C2orf69: variants seen among roughly 807,000 people sequenced by gnomAD.
C2orf69 encodes mitochondrial protein C2orf69.
In C2orf69, 19 loss-of-function variants were observed where a neutral mutation model predicts 29.5. The ratio of observed to expected loss-of-function variants is 0.65; its 90% CI spans 0.45 to 0.95. The LOEUF (loss-of-function observed/expected upper bound fraction) is 0.95, where lower values mean the gene tolerates loss of function less well. Ranked by LOEUF, C2orf69 falls within the 40% of genes least tolerant of loss-of-function variation. C2orf69 has a pLI of 0.00. For synonymous variants in C2orf69, 194 were observed against 180.0 expected, an observed-to-expected ratio of 1.08 and a Z score of -0.62; for missense variants, 416 against 482.1, an observed-to-expected ratio of 0.86 and a Z score of 1.28.
In C2orf69 at chr2:199,927,008, A is replaced by T. The variant is rs1335553747; in HGVS notation, c.*1122A>T. On this transcript the variant is annotated 3_prime_UTR_variant, in exon 2 of 2. Transcript: ENST00000319974. ...AAGAAAATAGCTCTCTTTGGCCAAA[A>T]TGCAAAATTACATTGCTATAAGAAA... 5 of 152,638 alleles carry T rather than the reference A, an allele frequency of 3.3e-5. No homozygotes were observed. The highest frequency in any genetic ancestry group is 1.3e-4 in the Admixed American group (2 of 15,274). 9.5% of individuals were successfully genotyped at this position (152,638 alleles called of 1,614,324 possible). A position where few individuals can be genotyped will look rare whatever the true frequency, so the allele number is the denominator to read the frequency against.
chr2:199,919,287 T>G (rs1228322374), intron 1 of C2orf69, among the ~76,000 whole-genome samples: 2 of 152,246 alleles, frequency 1.3e-5, no homozygotes, highest in African/African-American at 4.8e-5. Context: ...CAGAGTAGTA[T>G]TCTATGTATG....
intron 1 of C2orf69, among the ~76,000 whole-genome samples, chr2:199,912,304 C>T (rs991978272): frequency 5.3e-5 from 8 of 152,296 alleles, no homozygotes; most frequent in African/African-American, 1.7e-4. Context: ...TTTTGATGCT[C>T]ACCTCTTTTG....
chr2:199,916,871 A>G (rs2077294654), intron 1 of C2orf69, among the ~76,000 whole-genome samples: 1 of 152,190 alleles, frequency 6.6e-6, no homozygotes, highest in Non-Finnish European at 1.5e-5. Context: ...TTTATCTACT[A>G]TTCTGGGGTC....
chr2:199,916,080 A>G (rs1194993734), intron 1 of C2orf69, among the ~76,000 whole-genome samples: 5 of 152,220 alleles, frequency 3.3e-5, no homozygotes, highest in Non-Finnish European at 7.4e-5. Context: ...TAAAGGAAAG[A>G]GGTCTAATTG....
At chr2:199,911,908 C>A in intron 1 of C2orf69, 137 bp downstream of exon 1, 1 of 1,281,632 alleles carries the variant, frequency 7.8e-7, no homozygotes, top group Non-Finnish European at 1.1e-6. Flanking sequence ...GGTGGCTCTT[C>A]CTCTACTCCA....
At position 199,925,706 on chromosome 2, in the gene C2orf69, C is replaced by T; in HGVS notation, c.978C>T (p.Ile326=). The change falls in exon 2 of 2, where the codon ATC becomes ATT. Residue 326 remains isoleucine (I), a synonymous_variant. Transcript: ENST00000319974. The surrounding 1 kb of genome is among the most constrained non-coding windows in gnomAD (Gnocchi z 4.9). ...VLKEFAQTGI[I]VHTHVTPYQV... Reference sequence around the variant, plus strand: ...AAGAATTTGCACAAACAGGAATTATCGTTCACACTCATGTAACACCTTACC... The same window carrying T: ...AAGAATTTGCACAAACAGGAATTATTGTTCACACTCATGTAACACCTTACC... 3.7e-6 allele frequency: 6 copies of T among 1,613,922 alleles called. No homozygotes were observed. In the African/African-American group the frequency reaches 4.0e-5, roughly 11 times the overall value.
At chr2:199,919,065 C>T (rs996024000) in intron 1 of C2orf69, among the ~76,000 whole-genome samples, 4 of 152,172 alleles carry the variant, frequency 2.6e-5, no homozygotes, top group African/African-American at 9.7e-5. Context: ...GATCCTCCTA[C>T]CTTAGCCTCT....
In C2orf69 at chr2:199,911,363, G is replaced by A; in HGVS notation, c.-76G>A. The A allele has an allele frequency of 1.5e-6, 2 of 1,373,322 alleles. No homozygotes were observed. Among genetic ancestry groups the A allele is most frequent in the South Asian group, 3.4e-5 (2 of 58,432 alleles). 85.1% of individuals were successfully genotyped at this position (1,373,322 alleles called of 1,614,324 possible). ...CGCCGACCGTTGAGCCGCCGGCTGAGCCGCCTGCTGAAGTCCCTCCCTCAG... is the reference window on the plus strand; with the variant it reads ...CGCCGACCGTTGAGCCGCCGGCTGAACCGCCTGCTGAAGTCCCTCCCTCAG... On this transcript the variant is annotated 5_prime_UTR_variant, in exon 1 of 2. Coordinates refer to ENST00000319974, the MANE Select transcript of C2orf69 (RefSeq NM_153689.6).
rs1294258419 is a variant in C2orf69 at position 199,911,727 on chromosome 2, C to A, written c.289C>A (p.Pro97Thr). ...PGDPAKEEPQ[P>T]PPQHHVLYFP... ...GGACCCAGCGAAGGAGGAGCCGCAG[C>A]CGCCGCCCCAGCATCACGTCCTCTA... is the stretch of plus-strand genomic sequence containing the variant. The change falls in exon 1 of 2, where the codon CCG (proline) becomes ACG (threonine). Residue 97 changes from proline to threonine, a missense_variant. Transcript: ENST00000319974. 1 of 1,542,642 alleles carries A rather than the reference C, an allele frequency of 6.5e-7. No individual in the cohort carries two copies. Among genetic ancestry groups the A allele is most frequent in the East Asian group, 2.4e-5 (1 of 40,904 alleles).
rs897259060 is a variant in C2orf69, at chr2:199,926,898, C to T, written c.*1012C>T. 3 of 152,516 alleles carry T rather than the reference C, an allele frequency of 2.0e-5. No individual in the cohort carries two copies. Among genetic ancestry groups the T allele is most frequent in the African/African-American group, 7.2e-5 (3 of 41,416 alleles). The allele number at this position is 152,516 out of a possible 1,614,324, so 9.4% of individuals were successfully genotyped here. A position where few individuals can be genotyped will look rare whatever the true frequency, so the allele number is the denominator to read the frequency against. Reference sequence around the variant, plus strand: ...TTGGATAAAATAAATATATAATGCTCTATTTGTTAGAGCTCTATTAAAAAG... The same window carrying T: ...TTGGATAAAATAAATATATAATGCTTTATTTGTTAGAGCTCTATTAAAAAG... On this transcript the variant is annotated 3_prime_UTR_variant, in exon 2 of 2. Coordinates refer to ENST00000319974, the MANE Select transcript of C2orf69 (RefSeq NM_153689.6).
rs1487902151 is a variant in C2orf69 at position 199,911,762 on chromosome 2, G to T, written c.324G>T (p.Gly108=). 6 of 1,538,956 alleles carry T rather than the reference G, an allele frequency of 3.9e-6. No individual in the cohort carries two copies. The East Asian group carries it at 1.2e-4, about 31-fold the overall frequency. Residue 108 remains glycine (G), a synonymous_variant, in exon 1 of 2, where the codon GGG becomes GGT. Transcript: ENST00000319974. ...AGCATCACGTCCTCTATTTCCCTGGGGATGTGCAGGTAACTCGGGGCCTGC... is the reference window on the plus strand; with the variant it reads ...AGCATCACGTCCTCTATTTCCCTGGTGATGTGCAGGTAACTCGGGGCCTGC... ...PPQHHVLYFP[G]DVQNYHEIMT...
intron 1 of C2orf69, among the ~76,000 whole-genome samples, chr2:199,913,183 TTA>T (rs1229547404): frequency 5.5e-5 from 6 of 108,246 alleles, no homozygotes; most frequent in Non-Finnish European, 3.5e-5. Flanking sequence ...ATATATAAAA[TTA>T]TATATATTAT....
chr2:199,911,811 G>T (rs1430680084), intron 1 of C2orf69, 40 bp downstream of exon 1: 3 of 1,535,988 alleles, frequency 2.0e-6, no homozygotes, highest in Middle Eastern at 3.3e-4. Context: ...CCTTCCTCTC[G>T]TGTATACGTA....
At chr2:199,914,194 G>T (rs2077284874) in intron 1 of C2orf69, among the ~76,000 whole-genome samples, 1 of 151,948 alleles carries the variant, frequency 6.6e-6, no homozygotes, top group Admixed American at 6.6e-5. Flanking sequence ...CAGTCTCATG[G>T]CTTTACTCAC....
At chr2:199,913,125 T>C (rs1262586473) in intron 1 of C2orf69, among the ~76,000 whole-genome samples, 3 of 82,658 alleles carry the variant, frequency 3.6e-5, no homozygotes, top group African/African-American at 9.3e-5. Context: ...CTAAACCAGT[T>C]ATTTTGAGGG....
At chr2:199,924,688 C>CT (rs2077329122) in intron 1 of C2orf69, among the ~76,000 whole-genome samples, 1 of 152,066 alleles carries the variant, frequency 6.6e-6, no homozygotes, top group Non-Finnish European at 1.5e-5. Context: ...GTCAAAAAGT[C>CT]TATCTAGTGA....
At position 199,911,410 on chromosome 2, in the gene C2orf69, C is replaced by G. The variant is rs1034698725; in HGVS notation, c.-29C>G. On this transcript the variant is annotated 5_prime_UTR_variant, in exon 1 of 2. Coordinates refer to ENST00000319974, the MANE Select transcript of C2orf69 (RefSeq NM_153689.6). ...TCAGGAACCCCTCCGCCACCCTCCACCTCCGAACCGCTCTCGCGGCGGCGA... is the reference window on the plus strand; with the variant it reads ...TCAGGAACCCCTCCGCCACCCTCCAGCTCCGAACCGCTCTCGCGGCGGCGA... 20 of 1,491,710 alleles carry G rather than the reference C, an allele frequency of 1.3e-5. No homozygotes were observed. Among genetic ancestry groups the G allele is most frequent in the African/African-American group, 1.4e-5 (1 of 70,036 alleles). 92.4% of individuals were successfully genotyped at this position (1,491,710 alleles called of 1,614,324 possible). A position where few individuals can be genotyped will look rare whatever the true frequency, so the allele number is the denominator to read the frequency against.
rs996572191 is a variant in C2orf69, at chr2:199,911,848, C to T, written c.333+77C>T. Reference sequence around the variant, plus strand: ...GCGGTCACTGATTCTTCCCTCGTGGCTGCTGCCTGGTTCCTTTCCTTGCCT... The same window carrying T: ...GCGGTCACTGATTCTTCCCTCGTGGTTGCTGCCTGGTTCCTTTCCTTGCCT... On this transcript the variant is annotated intron_variant, in intron 1 of 1. Coordinates refer to ENST00000319974, the MANE Select transcript of C2orf69 (RefSeq NM_153689.6). 4.6e-6 allele frequency: 7 copies of T among 1,525,494 alleles called. No individual in the cohort carries two copies. The African/African-American group carries it at 8.2e-5, about 18-fold the overall frequency. The allele number at this position is 1,525,494 out of a possible 1,614,324, so 94.5% of individuals were successfully genotyped here.
intron 1 of C2orf69, among the ~76,000 whole-genome samples, chr2:199,919,639 A>G (rs2077306420): frequency 6.6e-6 from 1 of 152,226 alleles, no homozygotes; most frequent in African/African-American, 2.4e-5. Flanking sequence ...CAGAAGGGCA[A>G]GAGAGCACTA....
Sources: gnomAD v4.1 joint callset for allele counts (sites outside exome capture counted in the v4.1 genomes callset) on GRCh38, gnomAD v4.1.1 for gene constraint, Gnocchi (gnomAD v3.1) non-coding constraint, MANE v1.5 for transcripts, NCBI Gene and HGNC (gene_info 2026-07-23, HGNC 2026-07-21) for gene names.